The following TRHDE variants were observed in gnomAD, a reference collection of about 807,000 sequenced individuals.
The protein encoded by TRHDE is thyrotropin releasing hormone degrading enzyme, also known as thyrotropin-releasing hormone-degrading ectoenzyme.
Under a neutral mutation model 125.7 loss-of-function variants are expected in TRHDE, and 72 were observed. The ratio of observed to expected loss-of-function variants is 0.57; its 90% CI spans 0.47 to 0.70. TRHDE has a LOEUF of 0.70. Ranked by LOEUF, TRHDE falls within the 30% of genes least tolerant of loss-of-function variation. The pLI is 0.00. For missense variants in TRHDE, 1,110 were observed against 1,327.1 expected, an observed-to-expected ratio of 0.84 and a Z score of 2.54; for synonymous variants, 509 against 509.1, an observed-to-expected ratio of 1.00 and a Z score of 0.00.
chr12:72,308,617 G>T (rs577439549), intron 2 of TRHDE, among the ~76,000 whole-genome samples: 2 of 152,068 alleles, frequency 1.3e-5, no homozygotes, highest in Non-Finnish European at 2.9e-5. Flanking sequence ...GCCCAGTCCA[G>T]GTTATATCAG....
At chr12:72,428,946 G>T (rs1298476156) in intron 3 of TRHDE, among the ~76,000 whole-genome samples, 1 of 151,840 alleles carries the variant, frequency 6.6e-6, no homozygotes, top group Non-Finnish European at 1.5e-5. Context: ...AATCCTTATG[G>T]CTAAAATTCC....
In TRHDE at chr12:72,667,583, G is replaced by A. The variant is rs939488436; in HGVS notation, c.*4388G>A. 1.5e-4 allele frequency: 22 copies of A among 151,594 alleles called. No homozygotes were observed. The highest frequency in any genetic ancestry group is 5.3e-4 in the African/African-American group (22 of 41,366). 9.4% of individuals were successfully genotyped at this position (151,594 alleles called of 1,614,324 possible). On this transcript the variant is annotated 3_prime_UTR_variant, in exon 19 of 19. Coordinates refer to ENST00000261180, the MANE Select transcript of TRHDE (RefSeq NM_013381.3). ...AAGAAAAAGAAATAATGAACCAAGG[G>A]AATGAGGGCAACAGGAAAAATAATT...
intron 2 of TRHDE, among the ~76,000 whole-genome samples, chr12:72,138,487 C>A (rs541501688): frequency 6.6e-6 from 1 of 152,220 alleles, no homozygotes; most frequent in Non-Finnish European, 1.5e-5. Context: ...TGGGAAAACC[C>A]AAGGCTATTC....
At chr12:72,263,466 C>G (rs1278668062) in intron 2 of TRHDE, 1 of 151,846 alleles carries the variant, frequency 6.6e-6, no homozygotes, top group Non-Finnish European at 1.5e-5. Context: ...TGTTCTGTGA[C>G]AGCCACATAA....
chr12:72,629,141 C>A (rs1873374403), intron 15 of TRHDE, among the ~76,000 whole-genome samples: 1 of 151,812 alleles, frequency 6.6e-6, no homozygotes, highest in South Asian at 2.1e-4. Flanking sequence ...AATCTAAATG[C>A]ATTAACGACT....
intron 2 of TRHDE, among the ~76,000 whole-genome samples, chr12:72,352,460 G>A (rs1173614894): frequency 4.0e-5 from 6 of 151,722 alleles, no homozygotes; most frequent in Admixed American, 3.3e-4. Flanking sequence ...GTGCCTGGCT[G>A]TGATACCCAC....
At chr12:72,466,083 T>A (rs1164176500) in intron 3 of TRHDE, among the ~76,000 whole-genome samples, 1 of 152,190 alleles carries the variant, frequency 6.6e-6, no homozygotes, top group African/African-American at 2.4e-5. Flanking sequence ...TACCTTTCGA[T>A]ACCAGTATGT....
chr12:72,453,457 AT>A (rs1375602017), intron 3 of TRHDE, among the ~76,000 whole-genome samples: 2 of 152,232 alleles, frequency 1.3e-5, no homozygotes, highest in Non-Finnish European at 2.9e-5. Context: ...TGGAATTTAT[AT>A]TTAAAAGAGA....
intron 15 of TRHDE, among the ~76,000 whole-genome samples, chr12:72,636,293 G>A (rs909345133): frequency 3.3e-5 from 5 of 150,204 alleles, no homozygotes; most frequent in Admixed American, 6.6e-5. Context: ...CTCATGATTT[G>A]GCTCTCTGTT....
chr12:72,330,634 G>C (rs1055524926), intron 2 of TRHDE, among the ~76,000 whole-genome samples: 13 of 152,234 alleles, frequency 8.5e-5, no homozygotes, highest in African/African-American at 2.9e-4. Context: ...TGGCAGTTAG[G>C]CAGCTCTGTA....
intron 2 of TRHDE, among the ~76,000 whole-genome samples, chr12:72,327,660 T>C (rs1427454779): frequency 6.6e-6 from 1 of 152,212 alleles, no homozygotes; most frequent in Non-Finnish European, 1.5e-5. Flanking sequence ...AAATTTTATT[T>C]GCTTGCAGAC....
At chr12:72,254,931 A>C (rs1047712004) in intron 2 of TRHDE, 1 of 152,196 alleles carries the variant, frequency 6.6e-6, no homozygotes, top group African/African-American at 2.4e-5. Context: ...CTTTACAGAA[A>C]GGCTCCTGGA....
intron 3 of TRHDE, among the ~76,000 whole-genome samples, chr12:72,423,999 T>C (rs1282472406): frequency 2.6e-5 from 4 of 152,304 alleles, no homozygotes; most frequent in East Asian, 3.9e-4. Flanking sequence ...AGAGCTGCTA[T>C]AATCAAGTAC....
At chr12:72,477,966 G>A (rs957374469) in intron 5 of TRHDE, among the ~76,000 whole-genome samples, 3 of 152,002 alleles carry the variant, frequency 2.0e-5, no homozygotes, top group African/African-American at 4.8e-5. Context: ...AAAGAAATTG[G>A]GAAGGTAAAG....
At chr12:72,524,334 A>G (rs1868297512) in intron 6 of TRHDE, among the ~76,000 whole-genome samples, 1 of 152,188 alleles carries the variant, frequency 6.6e-6, no homozygotes, top group Non-Finnish European at 1.5e-5. Context: ...TAGCTTCCAG[A>G]AAATCGTTCA....
At chr12:72,544,799 A>G (rs1869332741) in intron 7 of TRHDE, among the ~76,000 whole-genome samples, 2 of 151,622 alleles carry the variant, frequency 1.3e-5, no homozygotes, top group African/African-American at 2.4e-5. Flanking sequence ...TATATGTAAT[A>G]TAGAAAGGTA....
intron 18 of TRHDE, among the ~76,000 whole-genome samples, chr12:72,660,485 C>G (rs1355392556): frequency 2.0e-5 from 3 of 152,140 alleles, no homozygotes; most frequent in Admixed American, 6.5e-5. Flanking sequence ...TACCGCTTGA[C>G]CAAGGAGCCC....
Position 72,412,758 on chromosome 12 carries a change from G to C in TRHDE, c.1315+34637G>C, listed in dbSNP as rs536810795. ...CTAAAACATGTATAAGTCCCATAAA[G>C]ATAGCTTTGAGCAGATGTTGAAATT... is the stretch of plus-strand genomic sequence containing the variant. On this transcript the variant is annotated intron_variant, in intron 3 of 18. Transcript: ENST00000261180. Among the ~76,000 whole-genome samples, 80 of 152,186 alleles carry C rather than the reference G, an allele frequency of 5.3e-4. 1 individual carries two copies. In the Middle Eastern group the frequency reaches 0.01, roughly 19 times the overall value.
intron 2 of TRHDE, among the ~76,000 whole-genome samples, chr12:72,235,366 A>G (rs1666142334): frequency 1.3e-5 from 2 of 152,218 alleles, no homozygotes. Context: ...TCACAAGTGA[A>G]AAAACTGAGG....
Sources: gnomAD v4.1 joint callset for allele counts (sites outside exome capture counted in the v4.1 genomes callset) on GRCh38, gnomAD v4.1.1 for gene constraint, MANE v1.5 for transcripts, NCBI Gene and HGNC (gene_info 2026-07-23, HGNC 2026-07-21) for gene names.